The following CPNE3 variants were observed in gnomAD, a reference collection of about 807,000 sequenced individuals.
CPNE3 encodes copine-3.
A neutral mutation model predicts 63.9 loss-of-function variants in CPNE3; 68 were observed. The observed-to-expected ratio is 1.06, with a 90% CI of 0.87 to 1.30. The LOEUF (loss-of-function observed/expected upper bound fraction) is 1.30, where lower values mean the gene tolerates loss of function less well. Ranked by LOEUF, CPNE3 falls within the 50% of genes most tolerant of loss-of-function variation. The pLI is 0.00. For synonymous variants in CPNE3, 219 were observed against 197.5 expected, an observed-to-expected ratio of 1.11 and a Z score of -0.91; for missense variants, 665 against 578.1, an observed-to-expected ratio of 1.15 and a Z score of -1.54.
chr8:86,534,211 T>C (rs1820751054), intron 6 of CPNE3, among the ~76,000 whole-genome samples: 1 of 152,194 alleles, frequency 6.6e-6, no homozygotes, highest in African/African-American at 2.4e-5. Flanking sequence ...AACCTGGCAA[T>C]TGAATCTAGA....
chr8:86,531,170 A>T lies in CPNE3; in HGVS notation c.328A>T (p.Lys110Ter). 1 of 1,248,698 alleles carries T rather than the reference A, an allele frequency of 8.0e-7. No individual in the cohort carries two copies. Among genetic ancestry groups the T allele is most frequent in the Non-Finnish European group, 1.2e-6 (1 of 846,060 alleles). 77.4% of individuals were successfully genotyped at this position (1,248,698 alleles called of 1,614,324 possible). ...CTLGQIVSSK[K>*]LTRPLVMKTG... The stretch of plus-strand genomic sequence containing the variant: ...ATTCTAACAGATTGTTTCCAGCAAG[A>T]AGCTAACTCGACCACTGGTGATGAA... Residue 110 changes from lysine (K) to a stop codon, truncating the protein, a stop_gained, in exon 5 of 17, where the codon AAG (lysine) becomes TAG (stop). Transcript: ENST00000517490. LOFTEE classifies it high-confidence loss of function.
intron 14 of CPNE3, among the ~76,000 whole-genome samples, chr8:86,552,743 T>A (rs1821208775): frequency 6.6e-6 from 1 of 151,768 alleles, no homozygotes; most frequent in Non-Finnish European, 1.5e-5. Flanking sequence ...AATAACTTGT[T>A]ACTTTGATGC....
intron 5 of CPNE3, among the ~76,000 whole-genome samples, chr8:86,531,454 C>T (rs758787971): frequency 6.6e-6 from 1 of 152,052 alleles, no homozygotes; most frequent in African/African-American, 2.4e-5. Flanking sequence ...TTCTAAGTTG[C>T]CCGTAGAGGT....
At chr8:86,517,509 G>A (rs1820341542) in intron 2 of CPNE3, among the ~76,000 whole-genome samples, 1 of 152,140 alleles carries the variant, frequency 6.6e-6, no homozygotes, top group African/African-American at 2.4e-5. Context: ...ACCTGCAACT[G>A]TAAAGAGGAA....
At chr8:86,551,560 A>C (rs1450007044) in intron 14 of CPNE3, 1 of 190,024 alleles carries the variant, frequency 5.3e-6, no homozygotes, top group African/African-American at 2.3e-5. Context: ...CATATATTAA[A>C]AGTATTTTTA....
At chr8:86,548,254 G>A (rs375415232) in intron 11 of CPNE3, 47 bp from the exon 12 acceptor site, 55 of 1,603,504 alleles carry the variant, frequency 3.4e-5, no homozygotes, top group Non-Finnish European at 4.5e-5. Context: ...TCAAGCACAG[G>A]TGTCCCTGCC....
chr8:86,525,152 G>A (rs373185974), intron 2 of CPNE3, among the ~76,000 whole-genome samples: 10 of 152,060 alleles, frequency 6.6e-5, no homozygotes, highest in African/African-American at 1.9e-4. Flanking sequence ...ACTGCGCCCA[G>A]CCTAAAATTT....
chr8:86,546,803 C>T (rs1266891059), intron 10 of CPNE3, 122 bp downstream of exon 10: 8 of 1,042,160 alleles, frequency 7.7e-6, no homozygotes, highest in African/African-American at 3.5e-5. Context: ...CCTCTGCCTC[C>T]TGGGTTCAAG....
chr8:86,527,545 G>A (rs747878905), intron 2 of CPNE3, among the ~76,000 whole-genome samples: 7 of 152,072 alleles, frequency 4.6e-5, no homozygotes, highest in Admixed American at 3.3e-4. Context: ...CTGTAGAATA[G>A]TAGGCTTGTC....
chr8:86,527,120 T>A (rs1179315339), intron 2 of CPNE3, among the ~76,000 whole-genome samples: 1 of 152,196 alleles, frequency 6.6e-6, no homozygotes. Flanking sequence ...TTTGTTTCTG[T>A]GGTCCTAGAA....
At chr8:86,519,140 A>C (rs1820378903) in intron 2 of CPNE3, among the ~76,000 whole-genome samples, 1 of 152,238 alleles carries the variant, frequency 6.6e-6, no homozygotes, top group Admixed American at 6.5e-5. Flanking sequence ...GATGGACTTG[A>C]AAATACAATC....
At chr8:86,532,661 GAACTCCATC>G in intron 6 of CPNE3, 81 bp downstream of exon 6, 1 of 1,200,346 alleles carries the variant, frequency 8.3e-7, no homozygotes, top group Admixed American at 2.0e-5. Flanking sequence ...TTAATATCAT[GAACTCCATC>G]ATTGAGCATC....
chr8:86,531,199 TG>T lies in CPNE3; in HGVS notation c.359del (p.Gly120AlafsTer16). 7.6e-7 allele frequency: 1 copy of T among 1,318,386 alleles called. No individual in the cohort carries two copies. The highest frequency in any genetic ancestry group is 1.1e-6 in the Non-Finnish European group (1 of 909,742). 81.7% of individuals were successfully genotyped at this position (1,318,386 alleles called of 1,614,324 possible). On this transcript the variant is annotated frameshift_variant, in exon 5 of 17. Transcript: ENST00000517490. LOFTEE classifies it high-confidence loss of function. ...KLTRPLVMKTGRPAGKGSITI... is the reference protein window; with the variant it reads ...KLTRPLVMKTXRPAGKGSITI... ...TAACTCGACCACTGGTGATGAAAACTGGCAGACCTGCAGGAAAAGGGAGCAT... is the reference window on the plus strand; with the variant it reads ...TAACTCGACCACTGGTGATGAAAACTGCAGACCTGCAGGAAAAGGGAGCAT...
chr8:86,549,624 A>G (rs1821128849), intron 12 of CPNE3, among the ~76,000 whole-genome samples: 1 of 152,236 alleles, frequency 6.6e-6, no homozygotes, highest in Non-Finnish European at 1.5e-5. Flanking sequence ...CTGCTGAAAT[A>G]GACACCCAAA....
chr8:86,521,352 G>A (rs1220587270), intron 2 of CPNE3, among the ~76,000 whole-genome samples: 1 of 152,054 alleles, frequency 6.6e-6, no homozygotes, highest in African/African-American at 2.4e-5. Context: ...TGTTATTCTG[G>A]TTACGTTTGT....
intron 8 of CPNE3, among the ~76,000 whole-genome samples, chr8:86,542,028 A>C (rs761339742): frequency 6.6e-6 from 1 of 152,202 alleles, no homozygotes; most frequent in Non-Finnish European, 1.5e-5. Flanking sequence ...AATATCTTTT[A>C]AACTTTTTTG....
chr8:86,522,249 T>C (rs1392871441), intron 2 of CPNE3, among the ~76,000 whole-genome samples: 1 of 152,214 alleles, frequency 6.6e-6, no homozygotes, highest in African/African-American at 2.4e-5. Flanking sequence ...TTGTATACTA[T>C]TTCTATGTAT....
intron 7 of CPNE3, among the ~76,000 whole-genome samples, chr8:86,537,964 CTG>C (rs1054307684): frequency 2.4e-5 from 3 of 126,406 alleles, no homozygotes; most frequent in African/African-American, 9.9e-5. Context: ...CTGTCCCTCT[CTG>C]TCTCTCTCTC....
chr8:86,541,042 A>G (rs539676732), intron 8 of CPNE3, among the ~76,000 whole-genome samples: 1 of 152,318 alleles, frequency 6.6e-6, no homozygotes, highest in Non-Finnish European at 1.5e-5. Flanking sequence ...ACATGATTAC[A>G]GATAGAGGTC....
Sources: gnomAD v4.1 joint callset for allele counts (sites outside exome capture counted in the v4.1 genomes callset) on GRCh38, gnomAD v4.1.1 for gene constraint, MANE v1.5 for transcripts, NCBI Gene and HGNC (gene_info 2026-07-23, HGNC 2026-07-21) for gene names.